PDE12: variants seen among roughly 807,000 people sequenced by gnomAD.
PDE12 encodes the protein phosphodiesterase 12, also known as 2',5'-phosphodiesterase 12.
A neutral mutation model predicts 45.4 loss-of-function variants in PDE12; 26 were observed. The ratio of observed to expected loss-of-function variants is 0.57; its 90% confidence interval spans 0.42 to 0.79. The LOEUF is 0.79. Ranked by LOEUF, PDE12 falls within the 30% of genes least tolerant of loss-of-function variation. The probability of loss-of-function intolerance (pLI) is 0.00; values close to 1 mark genes in which losing one functional copy is unlikely to be tolerated. For synonymous variants in PDE12, 283 were observed against 323.9 expected (o/e 0.87, Z 1.36); for missense variants, 668 against 790.0 (o/e 0.85, Z 1.85).
chr3:57,633,109 A>G, the PDE12 span, among the ~76,000 whole-genome samples: 153 of 152,314 alleles, frequency 1.0e-3, 1 homozygote, highest in African/African-American at 3.5e-3. Context: ...TAGAACAGAT[A>G]ATCCAGGTCT....
the PDE12 span, among the ~76,000 whole-genome samples, chr3:57,636,897 A>G: frequency 1.3e-5 from 2 of 149,370 alleles, no homozygotes; most frequent in Non-Finnish European, 3.0e-5. Flanking sequence ...AGATTGTGTC[A>G]CTACACTCCA....
At chr3:57,577,689 G>C in the PDE12 span, among the ~76,000 whole-genome samples, 2 of 151,972 alleles carry the variant, frequency 1.3e-5, no homozygotes, top group African/African-American at 4.8e-5. Flanking sequence ...TTTAAGTGCA[G>C]GTACCAAAAT....
At chr3:57,652,056 A>AAT in the PDE12 span, among the ~76,000 whole-genome samples, 1 of 152,130 alleles carries the variant, frequency 6.6e-6, no homozygotes. Flanking sequence ...AATAAAAATA[A>AAT]AAATAAATAA....
rs908906783 is a variant in PDE12 at position 57,564,524 on chromosome 3, T to G, written c.*4520T>G. 6.6e-6 allele frequency: 1 copy of G among 152,210 alleles called. No homozygotes were observed. The highest frequency in any genetic ancestry group is 1.5e-5 in the Non-Finnish European group (1 of 68,034). 9.4% of individuals were successfully genotyped at this position (152,210 alleles called of 1,614,324 possible). On this transcript the variant is annotated 3_prime_UTR_variant, in exon 3 of 3. Transcript: ENST00000311180. ...TTATCATGAAGTATTGATGTACTTTTTTTTTAGTGTATTGAAGTATTCCTA... is the reference window on the plus strand; with the variant it reads ...TTATCATGAAGTATTGATGTACTTTGTTTTTAGTGTATTGAAGTATTCCTA...
At chr3:57,628,047 G>A in the PDE12 span, 1 of 851,670 alleles carries the variant, frequency 1.2e-6, no homozygotes, top group Non-Finnish European at 1.7e-6. Context: ...AAAAAGTAAT[G>A]CACTAAAAAG....
chr3:57,636,936 CAAA>C, the PDE12 span, among the ~76,000 whole-genome samples: 2 of 51,996 alleles, frequency 3.8e-5, no homozygotes, highest in Admixed American at 2.0e-4. Flanking sequence ...GACTCTGTCT[CAAA>C]AAAAAAAAAA....
At chr3:57,601,660 T>C in the PDE12 span, among the ~76,000 whole-genome samples, 1 of 151,926 alleles carries the variant, frequency 6.6e-6, no homozygotes, top group African/African-American at 2.4e-5. Context: ...CAGGTACAAC[T>C]ATAATTATTT....
the PDE12 span, among the ~76,000 whole-genome samples, chr3:57,596,410 C>T: frequency 6.6e-6 from 1 of 152,074 alleles, no homozygotes; most frequent in Non-Finnish European, 1.5e-5. Flanking sequence ...TGAAAATAGT[C>T]AAAGAAATAG....
At chr3:57,618,976 G>T in the PDE12 span, among the ~76,000 whole-genome samples, 1 of 152,012 alleles carries the variant, frequency 6.6e-6, no homozygotes, top group Non-Finnish European at 1.5e-5. Flanking sequence ...TACATTTAAC[G>T]AATTAAATAA....
At chr3:57,597,244 A>G in the PDE12 span, 1 of 1,146,884 alleles carries the variant, frequency 8.7e-7, no homozygotes, top group East Asian at 2.5e-5. Context: ...GGGAAGAGAA[A>G]GAGCGGAGGA....
chr3:57,614,707 G>C, the PDE12 span, among the ~76,000 whole-genome samples: 1 of 151,170 alleles, frequency 6.6e-6, no homozygotes, highest in African/African-American at 2.4e-5. Context: ...AACACGCCCG[G>C]CTAAATTTTT....
the PDE12 span, among the ~76,000 whole-genome samples, chr3:57,618,912 A>G: frequency 6.6e-6 from 1 of 151,976 alleles, no homozygotes; most frequent in East Asian, 1.9e-4. Flanking sequence ...CTGGCCAACA[A>G]ATGTGTTTGT....
At chr3:57,628,325 G>C in the PDE12 span, 1 of 1,613,964 alleles carries the variant, frequency 6.2e-7, no homozygotes, top group Non-Finnish European at 8.5e-7. Flanking sequence ...TCACAGGTAA[G>C]TGCTCTCGAT....
chr3:57,613,689 A>G, the PDE12 span, among the ~76,000 whole-genome samples: 3 of 151,828 alleles, frequency 2.0e-5, no homozygotes, highest in Admixed American at 6.6e-5. Flanking sequence ...TCACGAGGTC[A>G]GGAGATTGAG....
In PDE12 at chr3:57,560,022, T is replaced by C. The variant is rs1449850844; in HGVS notation, c.*18T>C. 6.4e-7 allele frequency: 1 copy of C among 1,571,550 alleles called. No homozygotes were observed. The highest frequency in any genetic ancestry group is 2.3e-5 in the East Asian group (1 of 44,442). On this transcript the variant is annotated 3_prime_UTR_variant, in exon 3 of 3. Coordinates refer to ENST00000311180, the MANE Select transcript of PDE12 (RefSeq NM_177966.7). Reference sequence around the variant, plus strand: ...GGAAATAGATGTGTGTTTAATGGAATTGAAGTCTGAAAAGGAAGTAGTTAT... The same window carrying C: ...GGAAATAGATGTGTGTTTAATGGAACTGAAGTCTGAAAAGGAAGTAGTTAT...
chr3:57,645,605 T>C, the PDE12 span: 4 of 1,296,308 alleles, frequency 3.1e-6, no homozygotes, highest in Non-Finnish European at 4.3e-6. Flanking sequence ...AAAATAATTC[T>C]ACACAATTTT....
At chr3:57,638,076 G>A in the PDE12 span, among the ~76,000 whole-genome samples, 1 of 152,066 alleles carries the variant, frequency 6.6e-6, no homozygotes, top group Non-Finnish European at 1.5e-5. Flanking sequence ...GAAGGTTGCA[G>A]TGAGCCAAGA....
chr3:57,613,452 C>T, the PDE12 span, among the ~76,000 whole-genome samples: 1 of 151,612 alleles, frequency 6.6e-6, no homozygotes, highest in African/African-American at 2.4e-5. Flanking sequence ...TGCCACCGCA[C>T]CTGGGTAATT....
the PDE12 span, among the ~76,000 whole-genome samples, chr3:57,642,063 C>T: frequency 2.0e-5 from 3 of 151,982 alleles, no homozygotes; most frequent in Non-Finnish European, 4.4e-5. Flanking sequence ...GCCTGTAATC[C>T]CAGCACTTTC....
Sources: allele counts gnomAD v4.1 joint callset (sites outside exome capture counted in the v4.1 genomes callset), GRCh38; gene constraint gnomAD v4.1.1; transcripts MANE v1.5; gene names NCBI Gene and HGNC (gene_info 2026-07-23, HGNC 2026-07-21).